The following PLCXD3 variants were observed in gnomAD, a reference collection of about 807,000 sequenced individuals.
PLCXD3 encodes PI-PLC X domain-containing protein 3.
PLCXD3 carries 19 observed loss-of-function variants against 25.5 expected under a neutral mutation model. That is an observed-to-expected ratio of 0.75 (90% CI 0.52 to 1.09). PLCXD3 has a LOEUF of 1.09. Ranked by LOEUF, PLCXD3 falls within the 50% of genes least tolerant of loss-of-function variation. The pLI is 0.00. For synonymous variants in PLCXD3, 174 were observed against 137.6 expected (o/e 1.26, Z -1.85); for missense variants, 411 against 388.1 (o/e 1.06, Z -0.50).
intron 2 of PLCXD3, among the ~76,000 whole-genome samples, chr5:41,346,566 G>A (rs911605779): frequency 6.6e-6 from 1 of 151,508 alleles, no homozygotes; most frequent in African/African-American, 2.4e-5. Context: ...TGTATGTTGT[G>A]GTAAAATATA....
chr5:41,332,886 C>A (rs1054649487), intron 2 of PLCXD3, among the ~76,000 whole-genome samples: 15 of 152,096 alleles, frequency 9.9e-5, no homozygotes, highest in African/African-American at 3.6e-4. Context: ...TAGGTGGGAA[C>A]TGAACAGTGT....
chr5:41,363,045 A>G (rs1383997590), intron 2 of PLCXD3, among the ~76,000 whole-genome samples: 1 of 152,248 alleles, frequency 6.6e-6, no homozygotes, highest in Non-Finnish European at 1.5e-5. Flanking sequence ...CAGAATCAGC[A>G]TAATGATGCT....
At chr5:41,441,322 G>A (rs1465933104) in intron 1 of PLCXD3, among the ~76,000 whole-genome samples, 1 of 152,188 alleles carries the variant, frequency 6.6e-6, no homozygotes, top group African/African-American at 2.4e-5. Context: ...TAACTGAGAT[G>A]CGACTCTAAC....
intron 1 of PLCXD3, among the ~76,000 whole-genome samples, chr5:41,498,513 G>A (rs1011883725): frequency 6.6e-6 from 1 of 151,724 alleles, no homozygotes. Flanking sequence ...TAAGGAGATT[G>A]ATTCAGTTGC....
At chr5:41,411,726 T>TA (rs553197739) in intron 1 of PLCXD3, among the ~76,000 whole-genome samples, 300 of 147,858 alleles carry the variant, frequency 2.0e-3, no homozygotes, top group African/African-American at 7.1e-3. Flanking sequence ...AATATTTTTA[T>TA]AATTTTATAT....
chr5:41,423,958 T>C (rs1746889335), intron 1 of PLCXD3, among the ~76,000 whole-genome samples: 1 of 152,184 alleles, frequency 6.6e-6, no homozygotes, highest in Admixed American at 6.5e-5. Context: ...TTTGTATGTG[T>C]TTTGTGAGAA....
intron 2 of PLCXD3, among the ~76,000 whole-genome samples, chr5:41,324,793 A>T (rs1038515457): frequency 6.6e-6 from 1 of 152,200 alleles, no homozygotes; most frequent in Non-Finnish European, 1.5e-5. Flanking sequence ...ATAGTATCAC[A>T]ACCAGTGTAT....
chr5:41,343,516 A>C (rs1280010762), intron 2 of PLCXD3, among the ~76,000 whole-genome samples: 1 of 152,136 alleles, frequency 6.6e-6, no homozygotes, highest in African/African-American at 2.4e-5. Context: ...TAAATGGTCT[A>C]TTCAGTTCTG....
chr5:41,461,476 T>C (rs542046047), intron 1 of PLCXD3, among the ~76,000 whole-genome samples: 1 of 152,110 alleles, frequency 6.6e-6, no homozygotes, highest in East Asian at 1.9e-4. Context: ...TATTTTTCTC[T>C]CCTCCATAAA....
rs1185794195 is a variant in PLCXD3, at chr5:41,489,560, G to A, written c.103+20864C>T. Among the ~76,000 whole-genome samples, 17 of 152,086 alleles carry A rather than the reference G, an allele frequency of 1.1e-4. No homozygotes were observed. The South Asian group carries it at 2.5e-3, about 22-fold the overall frequency. ...CACAATATTGATTCTTCCTACCCAT[G>A]AGCATGGAATGTTCTTCCATTTGTT... On this transcript the variant is annotated intron_variant, in intron 1 of 2. Coordinates refer to ENST00000377801, the MANE Select transcript of PLCXD3 (RefSeq NM_001005473.3).
chr5:41,490,031 T>C (rs1748619583), intron 1 of PLCXD3, among the ~76,000 whole-genome samples: 2 of 151,980 alleles, frequency 1.3e-5, no homozygotes, highest in Admixed American at 6.6e-5. Context: ...AAGGGAATGC[T>C]TCCAGTTTTT....
intron 1 of PLCXD3, among the ~76,000 whole-genome samples, chr5:41,479,210 C>A (rs1748342627): frequency 6.6e-6 from 1 of 152,086 alleles, no homozygotes; most frequent in Non-Finnish European, 1.5e-5. Flanking sequence ...CAGACCCATG[C>A]AAAGTGAAAT....
intron 1 of PLCXD3, among the ~76,000 whole-genome samples, chr5:41,498,030 C>T (rs561816472): frequency 1.9e-4 from 29 of 151,408 alleles, no homozygotes; most frequent in Non-Finnish European, 2.7e-4. Flanking sequence ...CATTCCAAAA[C>T]GTATGAAATG....
chr5:41,490,806 C>G (rs868798349), intron 1 of PLCXD3, among the ~76,000 whole-genome samples: 1 of 152,130 alleles, frequency 6.6e-6, no homozygotes, highest in Non-Finnish European at 1.5e-5. Flanking sequence ...TTTACTGCAT[C>G]TATTTGATTC....
intron 2 of PLCXD3, among the ~76,000 whole-genome samples, chr5:41,327,683 T>C (rs1360642536): frequency 1.3e-5 from 2 of 152,228 alleles, no homozygotes; most frequent in African/African-American, 4.8e-5. Context: ...TGAATTTGTA[T>C]ATTAACATTT....
intron 1 of PLCXD3, among the ~76,000 whole-genome samples, chr5:41,436,897 C>A (rs1039049998): frequency 6.6e-6 from 1 of 152,130 alleles, no homozygotes; most frequent in Non-Finnish European, 1.5e-5. Context: ...CTTTTAGATA[C>A]TTAATATAGT....
intron 2 of PLCXD3, among the ~76,000 whole-genome samples, chr5:41,368,436 C>T (rs1263171906): frequency 2.6e-5 from 4 of 152,168 alleles, no homozygotes; most frequent in African/African-American, 9.7e-5. Flanking sequence ...AGCTTTTGGG[C>T]TGAGACAATG....
intron 1 of PLCXD3, among the ~76,000 whole-genome samples, chr5:41,499,518 T>A (rs1748910704): frequency 6.6e-6 from 1 of 151,792 alleles, no homozygotes; most frequent in South Asian, 2.1e-4. Flanking sequence ...TGAAAAGTCA[T>A]CATACGTTCA....
intron 1 of PLCXD3, among the ~76,000 whole-genome samples, chr5:41,419,010 G>A (rs575382195): frequency 3.3e-5 from 5 of 152,266 alleles, no homozygotes; most frequent in Admixed American, 2.0e-4. Context: ...GAGTGACTGA[G>A]GCCACAGCCC....
Sources: allele counts gnomAD v4.1 joint callset (sites outside exome capture counted in the v4.1 genomes callset), GRCh38; gene constraint gnomAD v4.1.1; transcripts MANE v1.5; gene names NCBI Gene and HGNC (gene_info 2026-07-23, HGNC 2026-07-21).